ATP9B: variants seen among roughly 807,000 people sequenced by gnomAD.
ATP9B encodes the protein ATPase phospholipid transporting 9B, also known as probable phospholipid-transporting ATPase IIB.
A neutral mutation model predicts 146.1 loss-of-function variants in ATP9B; 110 were observed. The ratio of observed to expected loss-of-function variants is 0.75; its 90% CI spans 0.65 to 0.88. ATP9B has a LOEUF of 0.88. Ranked by LOEUF, ATP9B falls within the 40% of genes least tolerant of loss-of-function variation. ATP9B has a pLI of 0.00. For synonymous variants in ATP9B, 604 were observed against 569.7 expected (o/e 1.06, Z -0.86); for missense variants, 1,499 against 1,496.4 (o/e 1.00, Z -0.03).
Position 79,096,543 on chromosome 18 carries a change from G to C in ATP9B, c.187G>C (p.Glu63Gln). 1 of 1,614,040 alleles carries C rather than the reference G, an allele frequency of 6.2e-7. No homozygotes were observed. Among genetic ancestry groups the C allele is most frequent in the East Asian group, 2.2e-5 (1 of 44,860 alleles). Reference sequence around the variant, plus strand: ...ACTAATGATGTCTGAAGAAGGCTTTGAGAATGAGGAAAGTGATTACCACAC... The same window carrying C: ...ACTAATGATGTCTGAAGAAGGCTTTCAGAATGAGGAAAGTGATTACCACAC... Reference protein sequence around the residue: ...MPLMMSEEGFENEESDYHTLP... With the variant: ...MPLMMSEEGFQNEESDYHTLP... Residue 63 changes from glutamate to glutamine, a missense_variant, in exon 2 of 30, where the codon GAG becomes CAG. By Grantham distance (29) the Glu-to-Gln change is conservative. Transcript: ENST00000426216.
At chr18:79,352,245 G>C (rs530007446) in intron 25 of ATP9B, among the ~76,000 whole-genome samples, 1 of 152,322 alleles carries the variant, frequency 6.6e-6, no homozygotes, top group Non-Finnish European at 1.5e-5. Context: ...TAGCCTGTGA[G>C]TGCTCTCGTT....
chr18:79,312,544 G>T (rs550393962), intron 15 of ATP9B, among the ~76,000 whole-genome samples: 1 of 152,134 alleles, frequency 6.6e-6, no homozygotes, highest in African/African-American at 2.4e-5. Context: ...CCGTGTTTTC[G>T]CAGGTTCTGA....
chr18:79,371,067 T>C (rs1468013918), intron 26 of ATP9B, among the ~76,000 whole-genome samples: 4 of 152,218 alleles, frequency 2.6e-5, no homozygotes, highest in Non-Finnish European at 5.9e-5. Flanking sequence ...CAAAGTTTTC[T>C]GCTTTTTAAA....
At chr18:79,214,653 G>A (rs2148423818) in intron 11 of ATP9B, among the ~76,000 whole-genome samples, 1 of 152,280 alleles carries the variant, frequency 6.6e-6, no homozygotes, top group East Asian at 1.9e-4. Context: ...CACAGTATGT[G>A]CTAATGTACA....
intron 25 of ATP9B, among the ~76,000 whole-genome samples, chr18:79,355,489 A>T (rs920135080): frequency 6.6e-6 from 1 of 152,218 alleles, no homozygotes; most frequent in Non-Finnish European, 1.5e-5. Context: ...GCTCAGCAGC[A>T]AAATAGAAGG....
At position 79,303,669 on chromosome 18, in the gene ATP9B, G is replaced by A. The variant is rs776576160; in HGVS notation, c.1477G>A (p.Asp493Asn). ...CCTGGGCACCGTGTCCTATGGCGCC[G>A]ACACGATGGATGAGATCCAGAGCCA... ...LHLGTVSYGA[D>N]TMDEIQSHVR... Residue 493 changes from aspartate to asparagine, a missense_variant, in exon 14 of 30, where the codon GAC (aspartate) becomes AAC (asparagine). By Grantham distance (23) the Asp-to-Asn change is conservative. Coordinates refer to ENST00000426216, the MANE Select transcript of ATP9B (RefSeq NM_198531.5). 21 of 1,613,928 alleles carry A rather than the reference G, an allele frequency of 1.3e-5. No homozygotes were observed. The East Asian group carries it at 2.0e-4, about 15-fold the overall frequency.
chr18:79,106,177 G>A (rs1599587729), intron 2 of ATP9B, among the ~76,000 whole-genome samples: 2 of 152,080 alleles, frequency 1.3e-5, no homozygotes, highest in East Asian at 3.9e-4. Flanking sequence ...AATATAAGGG[G>A]GAAAGTGTTC....
chr18:79,103,251 CA>C (rs1012208611), intron 2 of ATP9B, among the ~76,000 whole-genome samples: 4 of 148,698 alleles, frequency 2.7e-5, no homozygotes, highest in African/African-American at 7.5e-5. Context: ...TTAACTAAAC[CA>C]AATAACTATT....
At chr18:79,290,019 C>T (rs1364787150) in intron 13 of ATP9B, among the ~76,000 whole-genome samples, 1 of 152,062 alleles carries the variant, frequency 6.6e-6, no homozygotes, top group Non-Finnish European at 1.5e-5. Context: ...TCAGTCTGCC[C>T]CTGCTTGGGG....
rs552976875 is a variant in ATP9B at position 79,320,451 on chromosome 18, A to T, written c.1774-8690A>T. 4.0e-4 allele frequency among the ~76,000 whole-genome samples: 61 copies of T among 152,232 alleles called. No homozygotes were observed. The Middle Eastern group carries it at 0.014, about 34-fold the overall frequency. On this transcript the variant is annotated intron_variant, in intron 15 of 29. Transcript: ENST00000426216. ...GGGAGGGCCTGGCTGCGCGGCCGGC[A>T]CTCCACACACACCAGGGGCATGAGA...
chr18:79,338,320 C>T (rs893068076), intron 19 of ATP9B, among the ~76,000 whole-genome samples: 1 of 152,176 alleles, frequency 6.6e-6, no homozygotes, highest in Non-Finnish European at 1.5e-5. Flanking sequence ...TGCTTGTCCT[C>T]CCTCTGGCTC....
rs2094284790 is a variant in ATP9B, at chr18:79,126,254, T to C, written c.559-13T>C. ...AGTTTAGTTTTCTAAAAATACCTTA[T>C]TTTGTTTTATAGGGATTTGTCTTGG... On this transcript the variant is annotated splice_polypyrimidine_tract_variant and intron_variant, in intron 4 of 29. Transcript: ENST00000426216. The C allele has an allele frequency of 9.5e-6, 15 of 1,579,086 alleles. 1 individual carries two copies. Among genetic ancestry groups the C allele is most frequent in the Non-Finnish European group, 1.3e-5 (15 of 1,160,744 alleles).
At chr18:79,281,043 A>C (rs1046016352) in intron 13 of ATP9B, among the ~76,000 whole-genome samples, 1 of 152,200 alleles carries the variant, frequency 6.6e-6, no homozygotes, top group African/African-American at 2.4e-5. Context: ...CTAAATGGCC[A>C]ACTTAAGAAT....
rs2095869844 is a variant in ATP9B, at chr18:79,239,448, G to A, written c.1108-13933G>A. 6.6e-6 allele frequency among the ~76,000 whole-genome samples: 1 copy of A among 152,234 alleles called. No homozygotes were observed. The highest frequency in any genetic ancestry group is 1.5e-5 in the Non-Finnish European group (1 of 68,038). On this transcript the variant is annotated intron_variant, in intron 11 of 29. Coordinates refer to ENST00000426216, the MANE Select transcript of ATP9B (RefSeq NM_198531.5). The surrounding 1 kb of genome is among the most constrained non-coding windows in gnomAD (Gnocchi z 5.1). ...ATAAAACCAAGCCCCAGAGTGGGTTGTGGTATGAGCACCGCCAGCCAAGTC... is the reference window on the plus strand; with the variant it reads ...ATAAAACCAAGCCCCAGAGTGGGTTATGGTATGAGCACCGCCAGCCAAGTC...
chr18:79,159,493 C>T (rs72994237), intron 7 of ATP9B, among the ~76,000 whole-genome samples: 9,267 of 152,152 alleles, frequency 0.061, 364 homozygotes, highest in Non-Finnish European at 0.092. Context: ...ACAGTGTTCC[C>T]GTTGACTAGG....
intron 9 of ATP9B, 62 bp from the exon 10 acceptor site, chr18:79,206,875 A>G: frequency 6.7e-7 from 1 of 1,488,198 alleles, no homozygotes; most frequent in South Asian, 1.2e-5. Flanking sequence ...CTGAGGTTAT[A>G]TAAGGTGTGA....
At chr18:79,206,908 T>C in intron 9 of ATP9B, 29 bp from the exon 10 acceptor site, 1 of 1,603,702 alleles carries the variant, frequency 6.2e-7, no homozygotes, top group Non-Finnish European at 8.5e-7. Flanking sequence ...CATTTGACGG[T>C]TTTGTTTTCT....
chr18:79,364,922 CA>C (rs773297392), intron 26 of ATP9B, among the ~76,000 whole-genome samples: 185 of 152,052 alleles, frequency 1.2e-3, no homozygotes, highest in Non-Finnish European at 2.4e-3. Flanking sequence ...CCCAGCTGCT[CA>C]GGGGGCTAAG....
chr18:79,375,579 C>T, intron 29 of ATP9B, 153 bp downstream of exon 29: 1 of 984,922 alleles, frequency 1.0e-6, no homozygotes, highest in Non-Finnish European at 1.2e-6. Context: ...CATGTGCTTG[C>T]TCGGCTAGTC....
Sources: allele counts gnomAD v4.1 joint callset (sites outside exome capture counted in the v4.1 genomes callset), GRCh38; gene constraint gnomAD v4.1.1; non-coding constraint Gnocchi (gnomAD v3.1); transcripts MANE v1.5; gene names NCBI Gene and HGNC (gene_info 2026-07-23, HGNC 2026-07-21).